DNAH17: variants seen among roughly 807,000 people sequenced by gnomAD.
DNAH17 encodes dynein axonemal heavy chain 17, also known as axonemal beta dynein heavy chain 17.
In DNAH17, 376 loss-of-function variants were observed where a neutral mutation model predicts 485.6. That is an observed-to-expected ratio of 0.77 (90% CI 0.71 to 0.84). The LOEUF (loss-of-function observed/expected upper bound fraction) is 0.84, where lower values mean the gene tolerates loss of function less well. Among genes scored for constraint, DNAH17 ranks in the 40% least tolerant of loss-of-function variants. The pLI is 0.00. For synonymous variants in DNAH17, 3,031 were observed against 2,405.9 expected (o/e 1.26, Z -7.60); for missense variants, 6,370 against 5,839.3 (o/e 1.09, Z -2.96).
chr17:78,482,544 T>C (rs1478122210), intron 48 of DNAH17, among the ~76,000 whole-genome samples: 1 of 152,250 alleles, frequency 6.6e-6, no homozygotes, highest in African/African-American at 2.4e-5. Flanking sequence ...ATCAATTTTT[T>C]GCCCTTCTGT....
intron 14 of DNAH17, among the ~76,000 whole-genome samples, chr17:78,553,272 C>G (rs2091943104): frequency 1.5e-5 from 2 of 131,854 alleles, no homozygotes; most frequent in African/African-American, 5.5e-5. Context: ...TACCCAGTCC[C>G]AGGTTTTTGT....
At chr17:78,531,540 G>A (rs531561905) in intron 20 of DNAH17, among the ~76,000 whole-genome samples, 30 of 151,784 alleles carry the variant, frequency 2.0e-4, no homozygotes, top group Middle Eastern at 3.4e-3. Flanking sequence ...GGGTTTCACC[G>A]TGTTAGCCAG....
chr17:78,469,082 G>A (rs1450570209), intron 54 of DNAH17, among the ~76,000 whole-genome samples, 199 bp from the exon 55 acceptor site: 1 of 152,164 alleles, frequency 6.6e-6, no homozygotes, highest in Non-Finnish European at 1.5e-5. Flanking sequence ...TCTTGCCTCA[G>A]CCTCCCAAGT....
intron 14 of DNAH17, among the ~76,000 whole-genome samples, chr17:78,555,876 T>C (rs981199973): frequency 3.9e-5 from 6 of 152,226 alleles, no homozygotes; most frequent in African/African-American, 1.2e-4. Flanking sequence ...TTCTGCCTCA[T>C]GGCCTGAGCT....
Position 78,426,878 on chromosome 17 carries a change from G to A in DNAH17, c.12771+48C>T, listed in dbSNP as rs1238126211. On this transcript the variant is annotated intron_variant, in intron 78 of 80. Transcript: ENST00000389840. ...TTGCCAGAGGCCTGGGTTTCTGCTG[G>A]TTTCACCATCCAGCCACGTCCCTGG... The A allele has an allele frequency of 5.1e-6, 8 of 1,559,898 alleles. No homozygotes were observed. The Admixed American group carries it at 7.7e-5, about 15-fold the overall frequency.
chr17:78,440,714 C>T (rs2146457677), intron 72 of DNAH17, among the ~76,000 whole-genome samples: 2 of 152,298 alleles, frequency 1.3e-5, no homozygotes. Context: ...CTTGCTTGAA[C>T]ACAGATTTAA....
intron 42 of DNAH17, among the ~76,000 whole-genome samples, chr17:78,491,936 G>A (rs1180788479): frequency 6.6e-6 from 1 of 152,230 alleles, no homozygotes; most frequent in African/African-American, 2.4e-5. Flanking sequence ...AGTCTGCGGA[G>A]CACGCTTCAT....
At chr17:78,498,932 T>A (rs1231332130) in intron 37 of DNAH17, 76 bp downstream of exon 37, 1 of 1,154,980 alleles carries the variant, frequency 8.7e-7, no homozygotes, top group East Asian at 2.7e-5. Context: ...AGGGTCTATC[T>A]GGCGTGTGAG....
chr17:78,462,810 G>T, intron 57 of DNAH17, 34 bp downstream of exon 57: 1 of 1,606,424 alleles, frequency 6.2e-7, no homozygotes. Flanking sequence ...CCAGGGAACG[G>T]CACAGGAGCT....
At chr17:78,448,512 G>C (rs1472461467) in intron 69 of DNAH17, among the ~76,000 whole-genome samples, 1 of 152,168 alleles carries the variant, frequency 6.6e-6, no homozygotes, top group Non-Finnish European at 1.5e-5. Flanking sequence ...GGGTGACAGA[G>C]TGAGATTGTC....
intron 56 of DNAH17, among the ~76,000 whole-genome samples, chr17:78,465,363 A>G (rs1223910815): frequency 5.5e-5 from 8 of 146,100 alleles, no homozygotes; most frequent in Middle Eastern, 3.7e-3. Context: ...CCGTCTGGGA[A>G]GTGAGGAGCG....
chr17:78,493,943 G>A (rs778991819), intron 41 of DNAH17, 93 bp downstream of exon 41: 44 of 1,474,222 alleles, frequency 3.0e-5, no homozygotes, highest in East Asian at 5.0e-5. Context: ...TGGGGTCTCC[G>A]GGGTGGCGGG....
At position 78,560,916 on chromosome 17, in the gene DNAH17, C is replaced by A; in HGVS notation, c.1855G>T (p.Ala619Ser). The A allele has an allele frequency of 6.5e-7, 1 of 1,550,216 alleles. No homozygotes were observed. Among genetic ancestry groups the A allele is most frequent in the Non-Finnish European group, 8.7e-7 (1 of 1,147,052 alleles). The change falls in exon 13 of 81, where the codon GCC (alanine) becomes TCC (serine). Residue 619 changes from alanine to serine, a missense_variant. By Grantham distance (99) the Ala-to-Ser change is moderately conservative. Transcript: ENST00000389840. ...TCATACTTCTGATAGGTCAGCTTGG[C>A]CTCTGCTCCAGACATGACCCTGGAA... is the stretch of plus-strand genomic sequence containing the variant. Reference protein sequence around the residue: ...VEHPVMSGAEAKLTYQKYDEM... With the variant: ...VEHPVMSGAESKLTYQKYDEM...
At chr17:78,454,077 T>G (rs2087676755) in intron 64 of DNAH17, among the ~76,000 whole-genome samples, 1 of 152,150 alleles carries the variant, frequency 6.6e-6, no homozygotes, top group African/African-American at 2.4e-5. Context: ...CATTGGATTT[T>G]CCAGCACCGC....
At chr17:78,474,131 C>G (rs1200363556) in intron 54 of DNAH17, among the ~76,000 whole-genome samples, 1 of 152,244 alleles carries the variant, frequency 6.6e-6, no homozygotes, top group Non-Finnish European at 1.5e-5. Flanking sequence ...CCTGCAGACA[C>G]CTCCCACTGC....
chr17:78,426,668 G>T, intron 78 of DNAH17, 68 bp from the exon 79 acceptor site: 1 of 1,527,756 alleles, frequency 6.5e-7, no homozygotes, highest in Non-Finnish European at 8.8e-7. Context: ...GCCCCAGTGC[G>T]TGTCATGAGT....
intron 58 of DNAH17, among the ~76,000 whole-genome samples, chr17:78,460,687 G>A (rs2088074534): frequency 6.6e-6 from 1 of 152,206 alleles, no homozygotes; most frequent in Admixed American, 6.5e-5. Context: ...TGGGATTCTG[G>A]AATGGGAACT....
At chr17:78,472,483 C>T (rs554817910) in intron 54 of DNAH17, among the ~76,000 whole-genome samples, 7 of 152,226 alleles carry the variant, frequency 4.6e-5, no homozygotes, top group Non-Finnish European at 8.8e-5. Flanking sequence ...GGCGGGGAGG[C>T]GGGGACCTGA....
intron 58 of DNAH17, among the ~76,000 whole-genome samples, chr17:78,460,897 G>T (rs374176625): frequency 6.6e-6 from 1 of 152,128 alleles, no homozygotes; most frequent in Non-Finnish European, 1.5e-5. Context: ...ATTCACTCAG[G>T]AGACAGTGGG....
Sources: gnomAD v4.1 joint callset for allele counts (sites outside exome capture counted in the v4.1 genomes callset) on GRCh38, gnomAD v4.1.1 for gene constraint, MANE v1.5 for transcripts, NCBI Gene and HGNC (gene_info 2026-07-23, HGNC 2026-07-21) for gene names.